GFRA1: variants seen among roughly 807,000 people sequenced by gnomAD.
The protein encoded by GFRA1 is GDNF family receptor alpha-1.
In GFRA1, 16 loss-of-function variants were observed where a neutral mutation model predicts 51.6. The ratio of observed to expected loss-of-function variants is 0.31; its 90% CI spans 0.21 to 0.47. The LOEUF (loss-of-function observed/expected upper bound fraction) is 0.47. GFRA1 is among the 20% of genes least tolerant of loss of function. GFRA1 has a pLI of 1.00. For missense variants in GFRA1, 530 were observed against 594.3 expected (o/e 0.89, Z 1.13); for synonymous variants, 270 against 241.3 (o/e 1.12, Z -1.10).
chr10:116,186,886 T>C (rs552687431), intron 5 of GFRA1, among the ~76,000 whole-genome samples: 1 of 152,288 alleles, frequency 6.6e-6, no homozygotes, highest in South Asian at 2.1e-4. Flanking sequence ...AAACTTCAAG[T>C]GCTTCTTGCA....
chr10:116,236,307 C>T (rs117626665), intron 4 of GFRA1, among the ~76,000 whole-genome samples: 2,421 of 152,208 alleles, frequency 0.016, 30 homozygotes, highest in South Asian at 0.026. Context: ...CCAGGAACCA[C>T]AGAACTGGAA....
chr10:116,239,352 A>ATTT (rs533030081), intron 4 of GFRA1, among the ~76,000 whole-genome samples: 105 of 152,328 alleles, frequency 6.9e-4, no homozygotes, highest in African/African-American at 2.4e-3. Flanking sequence ...TCAGAAGTAA[A>ATTT]AATCTTTTTA....
chr10:116,231,863 C>T lies in GFRA1; in HGVS notation c.419-20218G>A, dbSNP rs1173055539. On this transcript the variant is annotated intron_variant, in intron 4 of 10. Transcript: ENST00000355422. ...CACACAAGCTTATTTAAAACGAATT[C>T]AACCAAGTTGTGAATCAACTGCACT... 2.6e-5 allele frequency among the ~76,000 whole-genome samples: 4 copies of T among 152,218 alleles called. No homozygotes were observed. In the East Asian group the frequency reaches 7.7e-4, roughly 29 times the overall value.
chr10:116,144,969 C>T (rs1399978296), intron 5 of GFRA1, among the ~76,000 whole-genome samples: 4 of 151,462 alleles, frequency 2.6e-5, no homozygotes, highest in African/African-American at 9.7e-5. Flanking sequence ...GTCAACATGA[C>T]AAAACCCCAT....
chr10:116,129,710 A>C (rs1163306199), intron 5 of GFRA1, among the ~76,000 whole-genome samples: 2 of 152,126 alleles, frequency 1.3e-5, no homozygotes, highest in African/African-American at 4.8e-5. Context: ...GCAAAGTCAC[A>C]GGGTACAAAG....
chr10:116,191,084 T>C (rs1219586519), intron 5 of GFRA1, among the ~76,000 whole-genome samples: 1 of 152,224 alleles, frequency 6.6e-6, no homozygotes, highest in Non-Finnish European at 1.5e-5. Flanking sequence ...AATTTCTGGA[T>C]AGCTGCCATT....
intron 5 of GFRA1, among the ~76,000 whole-genome samples, chr10:116,203,075 G>T (rs1191242028): frequency 3.3e-5 from 5 of 152,046 alleles, no homozygotes; most frequent in African/African-American, 1.2e-4. Context: ...CAGGTATCAG[G>T]GCTCGAGGAG....
chr10:116,172,044 C>T (rs1961079974), intron 5 of GFRA1, among the ~76,000 whole-genome samples: 1 of 152,164 alleles, frequency 6.6e-6, no homozygotes, highest in Non-Finnish European at 1.5e-5. Context: ...CTAGAATACA[C>T]GTCAAGTCCT....
chr10:116,216,156 T>TATTAATAATAAATA (rs1965548787), intron 4 of GFRA1, among the ~76,000 whole-genome samples: 1 of 152,188 alleles, frequency 6.6e-6, no homozygotes, highest in African/African-American at 2.4e-5. Context: ...TATTTATTAT[T>TATTAATAATAAATA]ATTAATAAGT....
intron 4 of GFRA1, among the ~76,000 whole-genome samples, chr10:116,228,885 G>A (rs1162957179): frequency 6.8e-6 from 1 of 147,656 alleles, no homozygotes; most frequent in East Asian, 2.1e-4. Flanking sequence ...AAGAGGCTGA[G>A]GCAGAGAATT....
At position 116,178,231 on chromosome 10, in the gene GFRA1, T is replaced by TC. The variant is rs1961826520; in HGVS notation, c.433+33399dup. Among the ~76,000 whole-genome samples the TC allele has an allele frequency of 3.7e-5, 5 of 135,366 alleles. No individual in the cohort carries two copies. The South Asian group carries it at 1.2e-3, about 33-fold the overall frequency. The allele number at this position is 135,366 out of a possible 152,430, so 88.8% of individuals were successfully genotyped here. ...TGAATTAGGAACTATTTGTTTTGCA[T>TC]CCCCTAAACACAAGGATGCTGGCTG... On this transcript the variant is annotated intron_variant, in intron 5 of 10. Coordinates refer to ENST00000355422, the MANE Select transcript of GFRA1 (RefSeq NM_005264.8).
rs191525976 is a variant in GFRA1 at position 116,186,399 on chromosome 10, C to T, written c.433+25232G>A. On this transcript the variant is annotated intron_variant, in intron 5 of 10. Transcript: ENST00000355422. ...ACACAGAGGTGGTGGCAGCTCCTAA[C>T]GACTGATGTGCCACTGAGCACAGTT... Among the ~76,000 whole-genome samples, 347 of 152,288 alleles carry T rather than the reference C, an allele frequency of 2.3e-3. 1 individual carries two copies. The highest frequency in any genetic ancestry group is 0.013 in the South Asian group (61 of 4,828).
intron 5 of GFRA1, among the ~76,000 whole-genome samples, chr10:116,191,297 A>G (rs1298269221): frequency 2.6e-5 from 4 of 152,228 alleles, no homozygotes; most frequent in African/African-American, 9.6e-5. Context: ...TAATCACCAT[A>G]AAAGGCTAGA....
intron 5 of GFRA1, among the ~76,000 whole-genome samples, chr10:116,127,983 G>A (rs1589810297): frequency 6.6e-6 from 1 of 152,244 alleles, no homozygotes; most frequent in African/African-American, 2.4e-5. Flanking sequence ...TGGCTAAAAG[G>A]GAAAGAACAG....
intron 4 of GFRA1, among the ~76,000 whole-genome samples, chr10:116,255,230 A>C (rs1200449543): frequency 6.6e-6 from 1 of 152,252 alleles, no homozygotes; most frequent in Non-Finnish European, 1.5e-5. Flanking sequence ...ACATAATTTT[A>C]TGTGAAGCTG....
At chr10:116,146,649 C>G (rs1333918286) in intron 5 of GFRA1, among the ~76,000 whole-genome samples, 1 of 152,170 alleles carries the variant, frequency 6.6e-6, no homozygotes, top group Non-Finnish European at 1.5e-5. Context: ...TAGCAATACA[C>G]AGAAGTAACT....
chr10:116,070,956 G>A (rs1474910355), intron 9 of GFRA1, among the ~76,000 whole-genome samples: 1 of 152,122 alleles, frequency 6.6e-6, no homozygotes, highest in Non-Finnish European at 1.5e-5. Flanking sequence ...GCAACCACTG[G>A]TCTGAATAAT....
chr10:116,170,137 T>G (rs1052137037), intron 5 of GFRA1, among the ~76,000 whole-genome samples: 1 of 152,094 alleles, frequency 6.6e-6, no homozygotes, highest in African/African-American at 2.4e-5. Context: ...CAATTGCTAA[T>G]CAAAGGCCTC....
chr10:116,151,884 A>G (rs1265273419), intron 5 of GFRA1, among the ~76,000 whole-genome samples: 2 of 152,204 alleles, frequency 1.3e-5, no homozygotes, highest in African/African-American at 4.8e-5. Flanking sequence ...TGGAGGAAAT[A>G]ATATGATAAA....
Sources: gnomAD v4.1 joint callset for allele counts (sites outside exome capture counted in the v4.1 genomes callset) on GRCh38, gnomAD v4.1.1 for gene constraint, MANE v1.5 for transcripts, NCBI Gene and HGNC (gene_info 2026-07-23, HGNC 2026-07-21) for gene names.